CNTN6: variants seen among roughly 807,000 people sequenced by gnomAD.
CNTN6 encodes contactin-6.
CNTN6 carries 137 observed loss-of-function variants against 122.8 expected under a neutral mutation model. That is an observed-to-expected ratio of 1.12 (90% confidence interval 0.97 to 1.29). The LOEUF (loss-of-function observed/expected upper bound fraction) is 1.29. Among genes scored for constraint, CNTN6 ranks in the 50% most tolerant of loss-of-function variants. The pLI is 0.00. For missense variants in CNTN6, 1,634 were observed against 1,223.4 expected, an observed-to-expected ratio of 1.34 and a Z score of -5.01; for synonymous variants, 570 against 426.0, an observed-to-expected ratio of 1.34 and a Z score of -4.16.
intron 11 of CNTN6, among the ~76,000 whole-genome samples, chr3:1,338,325 G>GA (rs1057268201): frequency 6.6e-6 from 1 of 152,088 alleles, no homozygotes; most frequent in Non-Finnish European, 1.5e-5. Context: ...AGAATCTTGT[G>GA]AAAAATGCAG....
At chr3:1,396,720 A>G (rs1481940198) in intron 20 of CNTN6, among the ~76,000 whole-genome samples, 5 of 152,174 alleles carry the variant, frequency 3.3e-5, no homozygotes, top group Admixed American at 6.5e-5. Flanking sequence ...CTTTCACTTT[A>G]TAAGTTTGTT....
intron 12 of CNTN6, among the ~76,000 whole-genome samples, chr3:1,364,203 A>G (rs1249452739): frequency 2.6e-5 from 4 of 151,942 alleles, no homozygotes; most frequent in Non-Finnish European, 4.4e-5. Flanking sequence ...AAAAAGACCA[A>G]TTTTTAAAGG....
At chr3:1,253,046 A>T (rs372528499) in intron 4 of CNTN6, among the ~76,000 whole-genome samples, 1 of 152,146 alleles carries the variant, frequency 6.6e-6, no homozygotes, top group Non-Finnish European at 1.5e-5. Context: ...GTAGAGTCCT[A>T]TGTGCGTGTT....
chr3:1,369,659 G>A (rs1708717225), intron 12 of CNTN6, among the ~76,000 whole-genome samples: 1 of 152,116 alleles, frequency 6.6e-6, no homozygotes, highest in African/African-American at 2.4e-5. Flanking sequence ...TTTAATGTCT[G>A]AAAATTACTT....
chr3:1,274,957 A>C (rs1692051134), intron 4 of CNTN6, among the ~76,000 whole-genome samples: 1 of 151,988 alleles, frequency 6.6e-6, no homozygotes, highest in African/African-American at 2.4e-5. Context: ...TGACCACCCA[A>C]CGCCCCCACC....
chr3:1,373,533 A>G, intron 14 of CNTN6, 71 bp from the exon 15 acceptor site: 2 of 1,453,564 alleles, frequency 1.4e-6, no homozygotes, highest in Non-Finnish European at 1.9e-6. Flanking sequence ...AGGTAAAAAT[A>G]AACCATCCTA....
intron 12 of CNTN6, among the ~76,000 whole-genome samples, chr3:1,362,117 G>T (rs968119898): frequency 6.6e-6 from 1 of 152,058 alleles, no homozygotes; most frequent in Non-Finnish European, 1.5e-5. Flanking sequence ...AATTGACCAG[G>T]ACTTAAAATG....
At chr3:1,228,294 C>T (rs143013800) in intron 4 of CNTN6, among the ~76,000 whole-genome samples, 1 of 152,022 alleles carries the variant, frequency 6.6e-6, no homozygotes, top group Admixed American at 6.5e-5. Flanking sequence ...ATATAGCATT[C>T]TTTTTCTTTT....
chr3:1,240,405 C>G (rs1451317391), intron 4 of CNTN6, among the ~76,000 whole-genome samples: 6 of 152,112 alleles, frequency 3.9e-5, no homozygotes, highest in East Asian at 1.9e-4. Context: ...AAATGGCAAG[C>G]AAGCACAAAT....
At chr3:1,140,847 G>A (rs367569405) in intron 1 of CNTN6, among the ~76,000 whole-genome samples, 14 of 152,128 alleles carry the variant, frequency 9.2e-5, no homozygotes, top group African/African-American at 3.1e-4. Context: ...CATTAAACAC[G>A]CTGTGTTACG....
intron 17 of CNTN6, among the ~76,000 whole-genome samples, chr3:1,382,320 T>G (rs1468429533): frequency 6.6e-6 from 1 of 152,218 alleles, no homozygotes; most frequent in Non-Finnish European, 1.5e-5. Flanking sequence ...TTAGTAATTT[T>G]AGATTTGAAA....
chr3:1,204,960 G>C (rs1288886425), intron 2 of CNTN6, among the ~76,000 whole-genome samples: 2 of 152,122 alleles, frequency 1.3e-5, no homozygotes, highest in Non-Finnish European at 2.9e-5. Context: ...GGAAATTACG[G>C]TTAAAAATGG....
chr3:1,305,773 C>G (rs1698260967), intron 7 of CNTN6, among the ~76,000 whole-genome samples: 1 of 152,118 alleles, frequency 6.6e-6, no homozygotes, highest in Admixed American at 6.6e-5. Flanking sequence ...AGCCTTCACA[C>G]AGAGGACTAT....
chr3:1,285,207 A>G (rs1037976845), intron 5 of CNTN6, among the ~76,000 whole-genome samples: 2 of 152,220 alleles, frequency 1.3e-5, no homozygotes, highest in East Asian at 3.8e-4. Context: ...ATAAGGTATA[A>G]GTAAAATAAT....
At chr3:1,157,474 C>G (rs988299083) in intron 2 of CNTN6, among the ~76,000 whole-genome samples, 12 of 152,250 alleles carry the variant, frequency 7.9e-5, no homozygotes, top group African/African-American at 2.4e-4. Context: ...GCCTTGGTCT[C>G]CCAAAGTGCT....
chr3:1,295,475 C>G, intron 5 of CNTN6, 126 bp from the exon 6 acceptor site: 1 of 683,568 alleles, frequency 1.5e-6, no homozygotes, highest in Non-Finnish European at 2.5e-6. Context: ...CAGCTATCAA[C>G]TGAGCAAATA....
intron 4 of CNTN6, among the ~76,000 whole-genome samples, chr3:1,270,163 T>C (rs915640926): frequency 6.6e-6 from 1 of 152,106 alleles, no homozygotes; most frequent in Non-Finnish European, 1.5e-5. Flanking sequence ...CAGAAAACGA[T>C]GGTGGAAAAT....
chr3:1,389,904 A>T (rs939164148), intron 20 of CNTN6, among the ~76,000 whole-genome samples: 15 of 151,606 alleles, frequency 9.9e-5, no homozygotes, highest in African/African-American at 3.4e-4. Flanking sequence ...ACCCAGATTC[A>T]TAAAGCAAGT....
At chr3:1,099,782 C>G (rs938468771) in intron 1 of CNTN6, among the ~76,000 whole-genome samples, 7 of 152,146 alleles carry the variant, frequency 4.6e-5, no homozygotes, top group Admixed American at 3.9e-4. Flanking sequence ...CTTCTTACTT[C>G]ATATTCAACC....
Sources: gnomAD v4.1 joint callset for allele counts (sites outside exome capture counted in the v4.1 genomes callset) on GRCh38, gnomAD v4.1.1 for gene constraint, MANE v1.5 for transcripts, NCBI Gene and HGNC (gene_info 2026-07-23, HGNC 2026-07-21) for gene names.